Variants in DST observed in about 807,000 individuals in gnomAD.
DST encodes the protein dystonin.
In DST, 253 loss-of-function variants were observed where a neutral mutation model predicts 875.2. The ratio of observed to expected loss-of-function variants is 0.29; its 90% confidence interval spans 0.26 to 0.32. DST has a LOEUF of 0.32. DST is among the 10% of genes least tolerant of loss of function. The pLI, the probability that DST is intolerant of heterozygous loss-of-function variation, is 1.00. For synonymous variants in DST, 3,124 were observed against 3,197.1 expected (o/e 0.98, Z 0.77); for missense variants, 8,287 against 9,111.6 (o/e 0.91, Z 3.68).
chr6:56,845,693 C>T (rs1048358887), intron 4 of DST, among the ~76,000 whole-genome samples: 6 of 152,226 alleles, frequency 3.9e-5, no homozygotes, highest in African/African-American at 1.4e-4. Flanking sequence ...ACATAGGTCT[C>T]TCAAAAATGT....
Position 56,620,359 on chromosome 6 carries a change from C to G in DST, c.4929+4171G>C. 6.2e-7 allele frequency: 1 copy of G among 1,614,162 alleles called. No homozygotes were observed. Among genetic ancestry groups the G allele is most frequent in the Non-Finnish European group, 8.5e-7 (1 of 1,180,036 alleles). On this transcript the variant is annotated intron_variant, in intron 36 of 103. Transcript: ENST00000680361. ...TCTCTTCCACGGCAGCTCTTTTAGC[C>G]TCGGCCTCTATGGTGAGCTGCCTCA... is the stretch of plus-strand genomic sequence containing the variant.
chr6:56,626,023 A>T (rs372294883), intron 34 of DST, among the ~76,000 whole-genome samples: 1 of 151,828 alleles, frequency 6.6e-6, no homozygotes, highest in Non-Finnish European at 1.5e-5. Flanking sequence ...AGCTTACAGA[A>T]TAAAGTATAA....
chr6:56,788,989 C>A (rs924241204), intron 4 of DST, among the ~76,000 whole-genome samples: 3 of 152,108 alleles, frequency 2.0e-5, no homozygotes, highest in Non-Finnish European at 4.4e-5. Flanking sequence ...TTAGTAGAAA[C>A]ATTGTTTTAA....
In DST at chr6:56,507,767, G is replaced by C. The variant is rs1186833806; in HGVS notation, c.19239+762C>G. On this transcript the variant is annotated intron_variant, in intron 75 of 103. Transcript: ENST00000680361. ...CTTTGGAAACATAGGCATGAGCTAGGCTGGCATGCAAAAAGCTGCATGCCC... is the reference window on the plus strand; with the variant it reads ...CTTTGGAAACATAGGCATGAGCTAGCCTGGCATGCAAAAAGCTGCATGCCC... Among the ~76,000 whole-genome samples the C allele has an allele frequency of 2.6e-5, 4 of 152,140 alleles. No homozygotes were observed. In the East Asian group the frequency reaches 7.7e-4, roughly 29 times the overall value.
intron 4 of DST, among the ~76,000 whole-genome samples, chr6:56,787,276 T>C (rs2099707178): frequency 6.6e-6 from 1 of 152,190 alleles, no homozygotes; most frequent in South Asian, 2.1e-4. Context: ...GAATGAATAA[T>C]ATTCTATTCA....
At chr6:56,486,459 T>C (rs1469889529) in intron 87 of DST, among the ~76,000 whole-genome samples, 2 of 144,774 alleles carry the variant, frequency 1.4e-5, no homozygotes, top group Non-Finnish European at 1.6e-5. Context: ...CTATTTAATC[T>C]TGATACTGAC....
At chr6:56,619,053 T>C (rs191538516) in intron 36 of DST, 2 of 1,614,138 alleles carry the variant, frequency 1.2e-6, no homozygotes, top group East Asian at 2.2e-5. Context: ...TTAAATTCAC[T>C]TACCAAATTT....
intron 2 of DST, among the ~76,000 whole-genome samples, chr6:56,908,041 C>T (rs1438593446): frequency 6.7e-6 from 1 of 150,342 alleles, no homozygotes; most frequent in Non-Finnish European, 1.5e-5. Flanking sequence ...TGCACTCCAG[C>T]CTGGGAGGCG....
rs745572098 is a variant in DST at position 56,553,438 on chromosome 6, A to C, written c.15354T>G (p.Ile5118Met). ...TTAATAACAGATTTTCACCTTCTGC[A>C]ATGGTTTTTTCATACATATGAGACT... Reference protein sequence around the residue: ...TAQSHMYEKTIAEGENLLLKT... With the variant: ...TAQSHMYEKTMAEGENLLLKT... The change falls in exon 61 of 104, where the codon ATT (isoleucine) becomes ATG (methionine). Residue 5118 changes from isoleucine (I) to methionine (M), a missense_variant. This residue lies in a region of DST where 1,513 missense variants were observed against 1,677.8 expected (regional missense o/e 0.90). Transcript: ENST00000680361. The C allele has an allele frequency of 1.6e-5, 25 of 1,604,664 alleles. No homozygotes were observed. The highest frequency in any genetic ancestry group is 2.0e-5 in the Non-Finnish European group (24 of 1,176,730).
At chr6:56,735,415 G>T in intron 4 of DST, 126 bp from the exon 5 acceptor site, 1 of 685,330 alleles carries the variant, frequency 1.5e-6, no homozygotes, top group Non-Finnish European at 2.4e-6. Flanking sequence ...AAAGTTTCTT[G>T]TTAAATTTTG....
rs777910087 is a variant in DST at position 56,641,950 on chromosome 6, T to C, written c.2024A>G (p.Gln675Arg). Residue 675 changes from glutamine (Q) to arginine (R), a missense_variant, in exon 17 of 104, where the codon CAG becomes CGG. Gln to Arg is a conservative substitution (Grantham distance 43). Coordinates refer to ENST00000680361, the MANE Select transcript of DST (RefSeq NM_001374736.1). The stretch of plus-strand genomic sequence containing the variant: ...AAAGAATAAGTAGCACTCTTACCTC[T>C]GTACCAATTGATCTGCCTGGTAGTA... ...GKYYQADQLV[Q>R]RVAKLRDEIM... The C allele has an allele frequency of 1.9e-6, 3 of 1,611,860 alleles. No homozygotes were observed. Among genetic ancestry groups the C allele is most frequent in the Admixed American group, 3.3e-5 (2 of 59,812 alleles).
At chr6:56,835,138 CAT>C (rs1353105844) in intron 4 of DST, among the ~76,000 whole-genome samples, 3 of 152,136 alleles carry the variant, frequency 2.0e-5, no homozygotes, top group Non-Finnish European at 4.4e-5. Context: ...TCTGTAAAAA[CAT>C]AAAATATAGA....
At chr6:56,819,139 T>C (rs909440391) in intron 4 of DST, among the ~76,000 whole-genome samples, 6 of 152,206 alleles carry the variant, frequency 3.9e-5, no homozygotes, top group African/African-American at 9.6e-5. Flanking sequence ...AAAAAGGAGC[T>C]GTCAGCACCA....
chr6:56,487,415 G>T (rs2095604955), intron 86 of DST, 142 bp from the exon 87 acceptor site: 1 of 730,284 alleles, frequency 1.4e-6, no homozygotes, highest in African/African-American at 1.8e-5. Context: ...AGGATTTTTT[G>T]ACTTTACCAT....
chr6:56,839,236 T>A (rs2099797137), intron 4 of DST, among the ~76,000 whole-genome samples: 2 of 152,072 alleles, frequency 1.3e-5, no homozygotes, highest in Non-Finnish European at 2.9e-5. Flanking sequence ...GGAGTCTGAG[T>A]CCCTACTGGC....
chr6:56,556,140 G>A (rs1047580576), intron 59 of DST, among the ~76,000 whole-genome samples: 8 of 152,098 alleles, frequency 5.3e-5, no homozygotes, highest in African/African-American at 1.9e-4. Context: ...TGTTAAACAA[G>A]TTCACACTGC....
Position 56,953,816 on chromosome 6 carries a change from G to T in DST, c.185C>A (p.Ala62Asp). The change falls in exon 2 of 104, where the codon GCT (alanine) becomes GAT (aspartate). Residue 62 changes from alanine (A) to aspartate (D), a missense_variant. Ala to Asp is a moderately radical substitution (Grantham distance 126). Transcript: ENST00000680361. Reference protein sequence around the residue: ...VFSGRSRSRDAVLRSHHFRSE... With the variant: ...VFSGRSRSRDDVLRSHHFRSE... ...ACGAAAGTGGTGCGATCTCAAAACA[G>T]CATCTGGGGAGAAAAGAGATAAATG... 7.6e-7 allele frequency: 1 copy of T among 1,314,508 alleles called. No individual in the cohort carries two copies. The highest frequency in any genetic ancestry group is 1.0e-6 in the Non-Finnish European group (1 of 993,730). 81.4% of individuals were successfully genotyped at this position (1,314,508 alleles called of 1,614,324 possible).
chr6:56,462,932 A>G (rs1358889530), intron 102 of DST, 114 bp downstream of exon 102: 3 of 557,208 alleles, frequency 5.4e-6, no homozygotes, highest in African/African-American at 1.9e-5. Context: ...AAGTGTATAA[A>G]AAGACATAGG....
chr6:56,697,428 A>G (rs2099270065), intron 9 of DST, among the ~76,000 whole-genome samples: 1 of 152,190 alleles, frequency 6.6e-6, no homozygotes, highest in Non-Finnish European at 1.5e-5. Flanking sequence ...TGAGCAAAAA[A>G]CGATTTGAGA....
Sources: allele counts gnomAD v4.1 joint callset (sites outside exome capture counted in the v4.1 genomes callset), GRCh38; gene constraint gnomAD v4.1.1; regional missense constraint gnomAD v4.1.1; transcripts MANE v1.5; gene names NCBI Gene and HGNC (gene_info 2026-07-23, HGNC 2026-07-21).